The following ZZZ3 variants were observed in gnomAD, a reference collection of about 807,000 sequenced individuals.
ZZZ3 encodes zinc finger ZZ-type containing 3, also known as ZZ-type zinc finger-containing protein 3.
ZZZ3 carries 22 observed loss-of-function variants against 95.2 expected under a neutral mutation model. That is an observed-to-expected ratio of 0.23 (90% CI 0.17 to 0.33). The LOEUF (loss-of-function observed/expected upper bound fraction) is 0.33. ZZZ3 is among the 10% of genes least tolerant of loss of function. The pLI, the probability that ZZZ3 is intolerant of heterozygous loss-of-function variation, is 1.00. For synonymous variants in ZZZ3, 335 were observed against 358.9 expected (o/e 0.93, Z 0.75); for missense variants, 885 against 1,066.5 (o/e 0.83, Z 2.37).
chr1:77,626,398 G>C (rs957748288), intron 5 of ZZZ3, among the ~76,000 whole-genome samples: 1 of 152,120 alleles, frequency 6.6e-6, no homozygotes, highest in Non-Finnish European at 1.5e-5. Flanking sequence ...AGAATCAGTG[G>C]GAGCCCTAAG....
intron 8 of ZZZ3, 56 bp from the exon 9 acceptor site, chr1:77,581,125 T>TA (rs1662476634): frequency 7.6e-7 from 1 of 1,308,918 alleles, no homozygotes; most frequent in Admixed American, 1.9e-5. Context: ...TATCCTTTGA[T>TA]ATAGCCAAAT....
intron 5 of ZZZ3, among the ~76,000 whole-genome samples, chr1:77,614,628 CTATA>C (rs1666131010): frequency 6.6e-6 from 1 of 152,014 alleles, no homozygotes; most frequent in African/African-American, 2.4e-5. Flanking sequence ...AATCCTAACA[CTATA>C]TATCACTTTT....
intron 5 of ZZZ3, among the ~76,000 whole-genome samples, chr1:77,621,516 T>TAAA (rs568033576): frequency 8.1e-6 from 1 of 123,050 alleles, no homozygotes. Flanking sequence ...AAATTTAAGT[T>TAAA]AAAAAAAAAA....
At chr1:77,592,458 C>T (rs1184392359) in intron 5 of ZZZ3, among the ~76,000 whole-genome samples, 5 of 152,086 alleles carry the variant, frequency 3.3e-5, no homozygotes, top group South Asian at 2.1e-4. Flanking sequence ...CACACCACCA[C>T]GCCTGGCTAT....
chr1:77,651,582 G>A (rs1315246004), intron 1 of ZZZ3, among the ~76,000 whole-genome samples: 4 of 152,170 alleles, frequency 2.6e-5, no homozygotes. Context: ...GGGACTAAGG[G>A]AGGGGGAAAT....
chr1:77,652,783 G>T (rs1669926840), intron 1 of ZZZ3, among the ~76,000 whole-genome samples: 1 of 152,104 alleles, frequency 6.6e-6, no homozygotes, highest in Admixed American at 6.5e-5. Context: ...AAAACAGTGA[G>T]GTATTGACAA....
chr1:77,641,210 A>G (rs2100902919), intron 3 of ZZZ3, 174 bp downstream of exon 3: 1 of 202,512 alleles, frequency 4.9e-6, no homozygotes, highest in African/African-American at 2.3e-5. Flanking sequence ...AACATCTACA[A>G]CTTAAAGTAT....
chr1:77,628,994 T>TC (rs1355000024), intron 5 of ZZZ3, among the ~76,000 whole-genome samples: 2 of 152,168 alleles, frequency 1.3e-5, no homozygotes, highest in Non-Finnish European at 2.9e-5. Flanking sequence ...TTCAAGTGCC[T>TC]TTTTTTAAAA....
Position 77,565,524 on chromosome 1 carries a change from A to C in ZZZ3, c.*116T>G, listed in dbSNP as rs1336909844. 2.6e-6 allele frequency: 3 copies of C among 1,133,952 alleles called. No homozygotes were observed. The highest frequency in any genetic ancestry group is 3.8e-6 in the Non-Finnish European group (3 of 786,860). The allele number at this position is 1,133,952 out of a possible 1,614,324, so 70.2% of individuals were successfully genotyped here. On this transcript the variant is annotated 3_prime_UTR_variant, in exon 15 of 15. Transcript: ENST00000370801. ...TGACGAGAACACTCAGGAAGCTCTC[A>C]TGCTGTGAGTGTCATTTCTGGGAAA...
At chr1:77,668,556 AGCTTAGAAATAAGTAACTT>A (rs1205359557) in intron 1 of ZZZ3, among the ~76,000 whole-genome samples, 1 of 152,000 alleles carries the variant, frequency 6.6e-6, no homozygotes, top group Non-Finnish European at 1.5e-5. Flanking sequence ...AGGAAAACAA[AGCTTAGAAATAAGTAACTT>A]GCTTAAAATT....
chr1:77,575,620 A>AG (rs1661853563), intron 12 of ZZZ3, among the ~76,000 whole-genome samples: 1 of 152,218 alleles, frequency 6.6e-6, no homozygotes, highest in Non-Finnish European at 1.5e-5. Context: ...ACATTGGGAG[A>AG]GGGAAAAAAG....
At chr1:77,668,647 CAAAA>C (rs34195679) in intron 1 of ZZZ3, among the ~76,000 whole-genome samples, 4 of 107,956 alleles carry the variant, frequency 3.7e-5, no homozygotes, top group Non-Finnish European at 6.2e-5. Flanking sequence ...GACCCTGTCT[CAAAA>C]AAAAAAAAAA....
intron 4 of ZZZ3, among the ~76,000 whole-genome samples, chr1:77,634,477 A>G (rs967694540): frequency 4.6e-5 from 7 of 152,204 alleles, no homozygotes; most frequent in African/African-American, 1.7e-4. Flanking sequence ...AAGCCTTCCT[A>G]GTCTCTAGAA....
At chr1:77,674,613 T>C (rs766123488) in intron 1 of ZZZ3, among the ~76,000 whole-genome samples, 4 of 152,152 alleles carry the variant, frequency 2.6e-5, no homozygotes, top group Non-Finnish European at 4.4e-5. Flanking sequence ...TAATTGTATT[T>C]ATCTTTATTT....
intron 5 of ZZZ3, among the ~76,000 whole-genome samples, chr1:77,590,217 T>C (rs1570443484): frequency 6.6e-6 from 1 of 152,020 alleles, no homozygotes; most frequent in East Asian, 1.9e-4. Context: ...CTACTAAAAA[T>C]ACAAAAATTA....
Position 77,581,066 on chromosome 1 carries a change from T to C in ZZZ3, c.1912A>G (p.Ile638Val). The C allele has an allele frequency of 6.2e-7, 1 of 1,613,916 alleles. No homozygotes were observed. The highest frequency in any genetic ancestry group is 8.5e-7 in the Non-Finnish European group (1 of 1,179,760). Residue 638 changes from isoleucine to valine, a missense_variant, in exon 9 of 15, where the codon ATA (isoleucine) becomes GTA (valine). Around this residue, in one of 5 missense-constraint regions of ZZZ3, gnomAD observed 99 missense variants for 119.8 expected, o/e 0.83. Transcript: ENST00000370801. ...GTATCATCACACAAGCGTCCTCTTA[T>C]CATCTGCACATAAGACAAGGCTTTT... ...PEGSSSRPQM[I>V]RGRLCDDTKP...
intron 12 of ZZZ3, among the ~76,000 whole-genome samples, chr1:77,570,313 C>T (rs1010359787): frequency 2.6e-5 from 4 of 152,154 alleles, no homozygotes; most frequent in African/African-American, 4.8e-5. Flanking sequence ...CCGTGTTAGC[C>T]GGGATGGTCT....
chr1:77,673,551 C>A (rs1240194004), intron 1 of ZZZ3, among the ~76,000 whole-genome samples: 1 of 152,082 alleles, frequency 6.6e-6, no homozygotes, highest in African/African-American at 2.4e-5. Context: ...GAGCTGAGAT[C>A]GCGCCACTGC....
intron 12 of ZZZ3, among the ~76,000 whole-genome samples, chr1:77,571,817 C>T (rs1323874413): frequency 6.6e-6 from 1 of 152,120 alleles, no homozygotes; most frequent in African/African-American, 2.4e-5. Flanking sequence ...TACAGAGTTT[C>T]AGTCATGTAA....
Sources: allele counts gnomAD v4.1 joint callset (sites outside exome capture counted in the v4.1 genomes callset), GRCh38; gene constraint gnomAD v4.1.1; regional missense constraint gnomAD v4.1.1; transcripts MANE v1.5; gene names NCBI Gene and HGNC (gene_info 2026-07-23, HGNC 2026-07-21).